CLTCL1: variants seen among roughly 807,000 people sequenced by gnomAD.
CLTCL1 encodes clathrin heavy chain 2.
CLTCL1 carries 159 observed loss-of-function variants against 190.0 expected under a neutral mutation model. The observed-to-expected ratio is 0.84, with a 90% CI of 0.74 to 0.95. The LOEUF (loss-of-function observed/expected upper bound fraction) is 0.95. CLTCL1 is among the 40% of genes least tolerant of loss of function. CLTCL1 has a pLI of 0.00. For synonymous variants in CLTCL1, 752 were observed against 769.6 expected (o/e 0.98, Z 0.38); for missense variants, 1,878 against 2,033.4 (o/e 0.92, Z 1.47).
At chr22:19,259,250 C>T (rs537821789) in intron 2 of CLTCL1, among the ~76,000 whole-genome samples, 64 of 152,208 alleles carry the variant, frequency 4.2e-4, no homozygotes, top group African/African-American at 1.5e-3. Flanking sequence ...GGATTACAGG[C>T]GCCCACCACC....
intron 26 of CLTCL1, among the ~76,000 whole-genome samples, chr22:19,193,291 GTA>G (rs1182527476): frequency 1.3e-5 from 2 of 152,240 alleles, no homozygotes; most frequent in Non-Finnish European, 2.9e-5. Context: ...TTAAGGTGGA[GTA>G]TAACTGCCAT....
intron 2 of CLTCL1, among the ~76,000 whole-genome samples, chr22:19,267,237 GAATAA>G (rs1468062847): frequency 1.3e-5 from 2 of 151,820 alleles, no homozygotes; most frequent in Non-Finnish European, 2.9e-5. Flanking sequence ...CATAAAAAAA[GAATAA>G]AATACTTGGG....
At chr22:19,263,542 A>G (rs1317591497) in intron 2 of CLTCL1, among the ~76,000 whole-genome samples, 1 of 151,946 alleles carries the variant, frequency 6.6e-6, no homozygotes, top group African/African-American at 2.4e-5. Flanking sequence ...GCCTCTTGAC[A>G]GGCTGGGACT....
intron 10 of CLTCL1, among the ~76,000 whole-genome samples, 186 bp downstream of exon 10, chr22:19,232,290 G>A (rs1387551789): frequency 6.6e-6 from 1 of 152,088 alleles, no homozygotes; most frequent in African/African-American, 2.4e-5. Flanking sequence ...AACAAAGGAA[G>A]CAATGAGTAC....
At chr22:19,219,461 AG>A (rs2085497913) in intron 18 of CLTCL1, among the ~76,000 whole-genome samples, 1 of 151,356 alleles carries the variant, frequency 6.6e-6, no homozygotes, top group Non-Finnish European at 1.5e-5. Flanking sequence ...CTAGGATTAC[AG>A]GCGTGAGCCA....
In CLTCL1 at chr22:19,179,984, G is replaced by C. The variant is rs1555925000; in HGVS notation, c.*21-15C>G. The C allele has an allele frequency of 1.7e-6, 1 of 582,818 alleles. No individual in the cohort carries two copies. The highest frequency in any genetic ancestry group is 2.8e-5 in the East Asian group (1 of 35,160). The allele number at this position is 582,818 out of a possible 1,614,324, so 36.1% of individuals were successfully genotyped here. A position where few individuals can be genotyped will look rare whatever the true frequency, so the allele number is the denominator to read the frequency against. ...CACGGCAGGGCCTGCAGAGGGGGAA[G>C]CCCACAATGAGCAGAGCTCTTCCTG... is the stretch of plus-strand genomic sequence containing the variant. On this transcript the variant is annotated splice_polypyrimidine_tract_variant and intron_variant, in intron 32 of 32. Transcript: ENST00000427926.
At position 19,233,299 on chromosome 22, in the gene CLTCL1, A is replaced by G. The variant is rs1555960027; in HGVS notation, c.1388T>C (p.Leu463Pro). ...KEDKLECSEE[L>P]GDLVKTTDPM... Reference sequence around the variant, plus strand: ...GTCAGTGGTTTTGACCAAGTCTCCGAGCTCCTCTGAGCACTCCAGCTGTGG... The same window carrying G: ...GTCAGTGGTTTTGACCAAGTCTCCGGGCTCCTCTGAGCACTCCAGCTGTGG... The change falls in exon 9 of 33, where the codon CTC becomes CCC. Residue 463 changes from leucine to proline, a missense_variant. Transcript: ENST00000427926. The G allele has an allele frequency of 6.2e-7, 1 of 1,613,178 alleles. No homozygotes were observed. Among genetic ancestry groups the G allele is most frequent in the South Asian group, 1.1e-5 (1 of 91,078 alleles).
intron 3 of CLTCL1, among the ~76,000 whole-genome samples, chr22:19,251,571 C>A (rs2086592098): frequency 6.6e-6 from 1 of 152,246 alleles, no homozygotes; most frequent in South Asian, 2.1e-4. Flanking sequence ...ATTCTCCTGC[C>A]TCAGCCTCCC....
chr22:19,291,468 G>T, intron 1 of CLTCL1, 132 bp downstream of exon 1: 1 of 855,684 alleles, frequency 1.2e-6, no homozygotes, highest in Non-Finnish European at 1.5e-6. Context: ...CCCAGCCCAG[G>T]TGGGAGGTCG....
chr22:19,200,777 G>A (rs1311787004), intron 23 of CLTCL1, among the ~76,000 whole-genome samples: 1 of 152,228 alleles, frequency 6.6e-6, no homozygotes, highest in Non-Finnish European at 1.5e-5. Flanking sequence ...GGGAGGCAGA[G>A]CTTGCAGTGA....
rs1555959885 is a variant in CLTCL1 at position 19,233,146 on chromosome 22, A to G, written c.1521+20T>C. 6.3e-7 allele frequency: 1 copy of G among 1,599,630 alleles called. No homozygotes were observed. Among genetic ancestry groups the G allele is most frequent in the South Asian group, 1.1e-5 (1 of 90,344 alleles). On this transcript the variant is annotated intron_variant, in intron 9 of 32. Transcript: ENST00000427926. ...ACACGTGAGTAATCTGTGAGATGCCAGTGGTTCAACACACGTTACCTTTTT... is the reference window on the plus strand; with the variant it reads ...ACACGTGAGTAATCTGTGAGATGCCGGTGGTTCAACACACGTTACCTTTTT...
chr22:19,242,560 T>C (rs1267832054), intron 4 of CLTCL1, among the ~76,000 whole-genome samples: 4 of 150,778 alleles, frequency 2.7e-5, no homozygotes, highest in Non-Finnish European at 5.9e-5. Flanking sequence ...TCCCAAAGTG[T>C]TGGATTACAG....
intron 14 of CLTCL1, among the ~76,000 whole-genome samples, chr22:19,223,444 A>G (rs1030177744): frequency 3.2e-4 from 47 of 145,896 alleles, no homozygotes; most frequent in African/African-American, 1.1e-3. Context: ...CATCCAGGTG[A>G]GGTGCTGAAC....
At chr22:19,280,511 C>A (rs1166686293) in intron 1 of CLTCL1, among the ~76,000 whole-genome samples, 5 of 151,908 alleles carry the variant, frequency 3.3e-5, no homozygotes, top group African/African-American at 1.2e-4. Flanking sequence ...ACCTTGAGGT[C>A]ATTATGCTAA....
intron 29 of CLTCL1, 52 bp from the exon 30 acceptor site, chr22:19,183,663 G>A: frequency 6.3e-7 from 1 of 1,577,188 alleles, no homozygotes; most frequent in Non-Finnish European, 8.7e-7. Context: ...GAGGCTTTGT[G>A]CCTGCAGCAG....
At position 19,184,219 on chromosome 22, in the gene CLTCL1, G is replaced by C. The variant is rs2084235960; in HGVS notation, c.4606-608C>G. ...CACTGGATCACCTGATTCCTTCTAT[G>C]GCAGGGGCTATTAGTACCCCATTCA... On this transcript the variant is annotated intron_variant, in intron 29 of 32. Transcript: ENST00000427926. 2.6e-5 allele frequency: 8 copies of C among 308,598 alleles called. 1 individual carries two copies. Among genetic ancestry groups the C allele is most frequent in the South Asian group, 2.1e-4 (8 of 37,356 alleles). The allele number at this position is 308,598 out of a possible 1,614,324, so 19.1% of individuals were successfully genotyped here. A position where few individuals can be genotyped will look rare whatever the true frequency, so the allele number is the denominator to read the frequency against.
rs181971400 is a variant in CLTCL1, at chr22:19,235,642, C to T, written c.969+54G>A. ...TCCTAGAGAAGGGGGAAAGTTTAAA[C>T]GCCAGTCCCTAATGAATGGAAAAGG... On this transcript the variant is annotated intron_variant, in intron 6 of 32. Transcript: ENST00000427926. The T allele has an allele frequency of 5.2e-6, 8 of 1,543,066 alleles. No homozygotes were observed. In the East Asian group the frequency reaches 6.8e-5, roughly 13 times the overall value.
intron 29 of CLTCL1, among the ~76,000 whole-genome samples, chr22:19,186,167 CA>C (rs1297126256): frequency 6.6e-6 from 1 of 152,184 alleles, no homozygotes; most frequent in African/African-American, 2.4e-5. Flanking sequence ...CAGGAAGTGG[CA>C]AGTATCCATG....
chr22:19,212,710 CCAATTGATTTTTGA>C (rs782184684), intron 19 of CLTCL1, among the ~76,000 whole-genome samples: 1 of 152,088 alleles, frequency 6.6e-6, no homozygotes, highest in South Asian at 2.1e-4. Flanking sequence ...CACTATCTGG[CCAATTGATTTTTGA>C]CAGAGATGCA....
Sources: gnomAD v4.1 joint callset for allele counts (sites outside exome capture counted in the v4.1 genomes callset) on GRCh38, gnomAD v4.1.1 for gene constraint, MANE v1.5 for transcripts, NCBI Gene and HGNC (gene_info 2026-07-23, HGNC 2026-07-21) for gene names.